PSME4: variants seen among roughly 807,000 people sequenced by gnomAD.
The protein encoded by PSME4 is proteasome activator complex subunit 4.
Under a neutral mutation model 253.9 loss-of-function variants are expected in PSME4, and 89 were observed. The observed-to-expected ratio is 0.35, with a 90% CI of 0.30 to 0.42. The LOEUF (loss-of-function observed/expected upper bound fraction) is 0.42. PSME4 is among the 10% of genes least tolerant of loss of function. The probability of loss-of-function intolerance (pLI) is 1.00; values close to 1 mark genes in which losing one functional copy is unlikely to be tolerated. For missense variants in PSME4, 2,014 were observed against 2,195.2 expected, an observed-to-expected ratio of 0.92 and a Z score of 1.65; for synonymous variants, 851 against 759.2, an observed-to-expected ratio of 1.12 and a Z score of -1.99.
At chr2:53,885,805 T>A in intron 40 of PSME4, 30 bp from the exon 41 acceptor site, 3 of 1,513,500 alleles carry the variant, frequency 2.0e-6, no homozygotes, top group Non-Finnish European at 2.7e-6. Flanking sequence ...GCAGAGTAAG[T>A]CTTTGCCATT....
At chr2:53,913,328 G>C (rs976108946) in intron 20 of PSME4, among the ~76,000 whole-genome samples, 5 of 152,158 alleles carry the variant, frequency 3.3e-5, no homozygotes, top group African/African-American at 1.2e-4. Context: ...GATATGATTA[G>C]AGCAGGACTA....
chr2:53,958,807 G>A (rs1213102080), intron 1 of PSME4, among the ~76,000 whole-genome samples: 1 of 146,420 alleles, frequency 6.8e-6, no homozygotes. Flanking sequence ...AAAATCTACT[G>A]AATACATATT....
chr2:53,949,398 G>C (rs1407521813), intron 1 of PSME4, 115 bp from the exon 2 acceptor site: 2 of 529,320 alleles, frequency 3.8e-6, no homozygotes, highest in Non-Finnish European at 6.2e-6. Context: ...GGCCACAGAA[G>C]GATGAATGGA....
chr2:53,904,227 C>A, intron 26 of PSME4, 71 bp from the exon 27 acceptor site: 1 of 1,381,876 alleles, frequency 7.2e-7, no homozygotes, highest in South Asian at 1.5e-5. Flanking sequence ...AACAAATTAT[C>A]AAAAACAGTA....
At chr2:53,870,770 A>T (rs979403080) in intron 43 of PSME4, 1 of 152,072 alleles carries the variant, frequency 6.6e-6, no homozygotes, top group African/African-American at 2.4e-5. Context: ...ATATTACAGT[A>T]TATATTTTCA....
In PSME4 at chr2:53,880,430, T is replaced by TA. The variant is rs890215470; in HGVS notation, c.4816-4676dup. Among the ~76,000 whole-genome samples, 99 of 151,308 alleles carry TA rather than the reference T, an allele frequency of 6.5e-4. No individual in the cohort carries two copies. The South Asian group carries it at 0.013, about 20-fold the overall frequency. ...GACAACATAGCAAGATATCATCTCT[T>TA]AAAAAAAAATGCAGATACATCTCTT... On this transcript the variant is annotated intron_variant, in intron 41 of 46. Coordinates refer to ENST00000404125, the MANE Select transcript of PSME4 (RefSeq NM_014614.3).
intron 41 of PSME4, among the ~76,000 whole-genome samples, chr2:53,879,099 C>G (rs1418146484): frequency 6.6e-6 from 1 of 152,118 alleles, no homozygotes; most frequent in South Asian, 2.1e-4. Context: ...CCGGCCGACA[C>G]TTAGGGAAAA....
chr2:53,879,094 C>G (rs183959455), intron 41 of PSME4, among the ~76,000 whole-genome samples: 1 of 152,006 alleles, frequency 6.6e-6, no homozygotes, highest in African/African-American at 2.4e-5. Context: ...TCAGACCGGC[C>G]GACACTTAGG....
intron 17 of PSME4, among the ~76,000 whole-genome samples, chr2:53,921,948 G>A (rs901698094): frequency 4.2e-4 from 64 of 151,194 alleles, no homozygotes; most frequent in African/African-American, 1.3e-3. Context: ...TGAGGCAGGC[G>A]GATCACGAGG....
chr2:53,941,310 A>G (rs886840309), intron 3 of PSME4, among the ~76,000 whole-genome samples: 2 of 149,530 alleles, frequency 1.3e-5, no homozygotes, highest in African/African-American at 4.9e-5. Context: ...ATAAAAAAGA[A>G]ACTACATGGC....
At chr2:53,889,943 GAAT>G (rs1477500146) in intron 37 of PSME4, among the ~76,000 whole-genome samples, 158 bp downstream of exon 37, 7 of 152,068 alleles carry the variant, frequency 4.6e-5, no homozygotes, top group East Asian at 1.9e-4. Context: ...ACCTCACTTA[GAAT>G]AATAGTCTCT....
chr2:53,906,105 CT>C (rs1426540920), intron 26 of PSME4, among the ~76,000 whole-genome samples: 1 of 152,174 alleles, frequency 6.6e-6, no homozygotes, highest in Non-Finnish European at 1.5e-5. Context: ...TCTTTTTCCA[CT>C]TTTCTGTGCT....
At chr2:53,921,590 C>G (rs1032737940) in intron 17 of PSME4, among the ~76,000 whole-genome samples, 25 of 143,176 alleles carry the variant, frequency 1.7e-4, no homozygotes, top group African/African-American at 6.1e-4. Context: ...TGAAGTTGGC[C>G]GGGCGCGGTG....
chr2:53,885,916 A>T, intron 40 of PSME4, 141 bp from the exon 41 acceptor site: 1 of 524,318 alleles, frequency 1.9e-6, no homozygotes, highest in Non-Finnish European at 3.4e-6. Flanking sequence ...ATGTTACTTC[A>T]TAAATTAGAC....
At chr2:53,882,732 A>G (rs1360908680) in intron 41 of PSME4, among the ~76,000 whole-genome samples, 4 of 152,192 alleles carry the variant, frequency 2.6e-5, no homozygotes, top group Admixed American at 6.5e-5. Flanking sequence ...ACTAGAGAGC[A>G]CAGGATATTA....
At chr2:53,900,307 C>G (rs1284564693) in intron 28 of PSME4, among the ~76,000 whole-genome samples, 1 of 151,766 alleles carries the variant, frequency 6.6e-6, no homozygotes, top group Non-Finnish European at 1.5e-5. Flanking sequence ...CTCTGTAATC[C>G]TAGCACTTTG....
At chr2:53,892,074 A>C (rs916369720) in intron 36 of PSME4, among the ~76,000 whole-genome samples, 12 of 152,214 alleles carry the variant, frequency 7.9e-5, no homozygotes, top group African/African-American at 2.9e-4. Context: ...TTTGCAAAAC[A>C]GGTAACTCAA....
intron 36 of PSME4, among the ~76,000 whole-genome samples, chr2:53,892,168 C>T (rs1019453417): frequency 6.6e-6 from 1 of 152,182 alleles, no homozygotes; most frequent in African/African-American, 2.4e-5. Flanking sequence ...AAAGTGTTTG[C>T]AGTCCTCCTA....
In PSME4 at chr2:53,932,658, A is replaced by T. The variant is rs1668892314; in HGVS notation, c.1050+10T>A. ...TTCCAAGCCCTATAATGCAAAACGA[A>T]GTTACTCACCAGCCAGCGCCCATTA... On this transcript the variant is annotated intron_variant, in intron 9 of 46. Transcript: ENST00000404125. 5.0e-6 allele frequency: 8 copies of T among 1,597,740 alleles called. No homozygotes were observed. Among genetic ancestry groups the T allele is most frequent in the South Asian group, 4.4e-5 (4 of 90,732 alleles).
Sources: allele counts gnomAD v4.1 joint callset (sites outside exome capture counted in the v4.1 genomes callset), GRCh38; gene constraint gnomAD v4.1.1; transcripts MANE v1.5; gene names NCBI Gene and HGNC (gene_info 2026-07-23, HGNC 2026-07-21).